Variants in FSHR observed in about 807,000 individuals in gnomAD.
FSHR encodes the protein follicle-stimulating hormone receptor.
FSHR carries 46 observed loss-of-function variants against 52.1 expected under a neutral mutation model. That is an observed-to-expected ratio of 0.88 (90% CI 0.70 to 1.13). The LOEUF is 1.13. FSHR is among the 50% of genes most tolerant of loss of function. The probability of loss-of-function intolerance (pLI) is 0.00; values close to 1 mark genes in which losing one functional copy is unlikely to be tolerated. For synonymous variants in FSHR, 399 were observed against 309.6 expected (o/e 1.29, Z -3.03); for missense variants, 964 against 834.6 (o/e 1.16, Z -1.91).
At chr2:49,029,398 C>T (rs893068793) in intron 2 of FSHR, among the ~76,000 whole-genome samples, 12 of 152,218 alleles carry the variant, frequency 7.9e-5, no homozygotes, top group African/African-American at 2.7e-4. Flanking sequence ...TTAGCACACA[C>T]AGCCTGAGAG....
intron 4 of FSHR, among the ~76,000 whole-genome samples, chr2:49,004,560 G>A (rs1667014128): frequency 6.6e-6 from 1 of 152,118 alleles, no homozygotes. Flanking sequence ...AGCACTTCAG[G>A]GCTAGAGTAG....
chr2:48,976,400 G>C (rs1364084187), intron 8 of FSHR, among the ~76,000 whole-genome samples: 2 of 152,182 alleles, frequency 1.3e-5, no homozygotes, highest in Non-Finnish European at 2.9e-5. Flanking sequence ...GTATTTCATT[G>C]AGGATTTTCG....
chr2:49,028,743 T>C (rs1667995100), intron 2 of FSHR, among the ~76,000 whole-genome samples: 1 of 152,232 alleles, frequency 6.6e-6, no homozygotes, highest in Non-Finnish European at 1.5e-5. Flanking sequence ...CTCCATACAC[T>C]GTCTCCTTTT....
chr2:49,107,627 C>T (rs11125213), intron 1 of FSHR, among the ~76,000 whole-genome samples: 76,440 of 151,944 alleles, frequency 0.5, 19,859 homozygotes, highest in East Asian at 0.77. Context: ...ATATTAATAG[C>T]CATTACCTTT....
At chr2:49,144,445 A>G (rs1672797942) in intron 1 of FSHR, among the ~76,000 whole-genome samples, 1 of 152,088 alleles carries the variant, frequency 6.6e-6, no homozygotes, top group South Asian at 2.1e-4. Flanking sequence ...CCATTCAAAG[A>G]CTGTGTGTTC....
chr2:49,144,079 G>C (rs899577837), intron 1 of FSHR, among the ~76,000 whole-genome samples: 1 of 152,076 alleles, frequency 6.6e-6, no homozygotes, highest in Non-Finnish European at 1.5e-5. Flanking sequence ...GAGGATGCCA[G>C]GTGCCACTTA....
chr2:48,990,281 A>AT (rs2104100112), intron 5 of FSHR, among the ~76,000 whole-genome samples: 1 of 152,228 alleles, frequency 6.6e-6, no homozygotes, highest in African/African-American at 2.4e-5. Flanking sequence ...GGGGGCAGTA[A>AT]TTAAAGCGCT....
At chr2:49,062,063 TTAGCAGACATTTACA>T (rs1292121156) in intron 2 of FSHR, among the ~76,000 whole-genome samples, 1 of 151,754 alleles carries the variant, frequency 6.6e-6, no homozygotes, top group Non-Finnish European at 1.5e-5. Flanking sequence ...CCAAATGGAC[TTAGCAGACATTTACA>T]GAACGTTTCA....
At chr2:48,993,884 C>T (rs1675898937) in intron 4 of FSHR, among the ~76,000 whole-genome samples, 1 of 152,140 alleles carries the variant, frequency 6.6e-6, no homozygotes, top group Admixed American at 6.6e-5. Flanking sequence ...GTCATTTCTT[C>T]AAAAAGGAGC....
At chr2:49,136,566 A>T (rs868808237) in intron 1 of FSHR, among the ~76,000 whole-genome samples, 14 of 152,172 alleles carry the variant, frequency 9.2e-5, no homozygotes, top group African/African-American at 3.1e-4. Context: ...AAGCAAGTAA[A>T]ACTACAGACT....
At chr2:49,120,195 A>G (rs1354634156) in intron 1 of FSHR, among the ~76,000 whole-genome samples, 1 of 152,140 alleles carries the variant, frequency 6.6e-6, no homozygotes, top group Non-Finnish European at 1.5e-5. Context: ...CGCCGGGGCC[A>G]GAGAGGCGAA....
intron 1 of FSHR, among the ~76,000 whole-genome samples, chr2:49,099,053 A>G (rs1436919915): frequency 6.6e-6 from 1 of 151,796 alleles, no homozygotes; most frequent in Non-Finnish European, 1.5e-5. Flanking sequence ...CCAGTATCAT[A>G]TGTAAGGTAC....
At chr2:49,102,681 G>A (rs1183688465) in intron 1 of FSHR, among the ~76,000 whole-genome samples, 2 of 152,086 alleles carry the variant, frequency 1.3e-5, no homozygotes, top group Non-Finnish European at 1.5e-5. Context: ...ATTTTTGAAT[G>A]GATTAGCTTC....
chr2:49,032,136 A>C (rs950955915), intron 2 of FSHR, among the ~76,000 whole-genome samples: 46 of 152,134 alleles, frequency 3.0e-4, no homozygotes, highest in African/African-American at 1.1e-3. Context: ...CCCCATTCCA[A>C]TTTTAAGGCC....
intron 1 of FSHR, among the ~76,000 whole-genome samples, chr2:49,093,476 T>C (rs891575426): frequency 2.0e-5 from 3 of 152,240 alleles, no homozygotes; most frequent in Non-Finnish European, 2.9e-5. Context: ...CTCTGAAGTC[T>C]GTGTTATCTG....
intron 2 of FSHR, among the ~76,000 whole-genome samples, chr2:49,029,973 C>T (rs191743879): frequency 6.6e-6 from 1 of 152,304 alleles, no homozygotes; most frequent in Non-Finnish European, 1.5e-5. Context: ...TTTTAAAAAG[C>T]TAGGGTGAGG....
intron 1 of FSHR, among the ~76,000 whole-genome samples, chr2:49,089,403 A>G (rs188706491): frequency 9.5e-4 from 145 of 152,334 alleles, no homozygotes; most frequent in South Asian, 2.1e-3. Flanking sequence ...TTTAGATACT[A>G]TTAGAACAGA....
intron 1 of FSHR, among the ~76,000 whole-genome samples, chr2:49,075,382 C>A (rs1370877599): frequency 6.6e-6 from 1 of 151,180 alleles, no homozygotes; most frequent in Non-Finnish European, 1.5e-5. Context: ...GAGAGGAAAC[C>A]TAAAAGAGTG....
chr2:49,021,515 A>G (rs1030507223), intron 2 of FSHR, among the ~76,000 whole-genome samples: 1 of 151,816 alleles, frequency 6.6e-6, no homozygotes, highest in Non-Finnish European at 1.5e-5. Context: ...AGAGTTCTAG[A>G]AAGGCTCTTG....
Sources: gnomAD v4.1 joint callset for allele counts (sites outside exome capture counted in the v4.1 genomes callset) on GRCh38, gnomAD v4.1.1 for gene constraint, MANE v1.5 for transcripts, NCBI Gene and HGNC (gene_info 2026-07-23, HGNC 2026-07-21) for gene names.